Variants in MAN1C1 observed in about 807,000 individuals in gnomAD.
The protein encoded by MAN1C1 is mannosyl-oligosaccharide 1,2-alpha-mannosidase IC.
In MAN1C1, 49 loss-of-function variants were observed where a neutral mutation model predicts 71.5. The observed-to-expected ratio is 0.69, with a 90% CI of 0.54 to 0.87. The LOEUF is 0.87. MAN1C1 is among the 40% of genes least tolerant of loss of function. The probability of loss-of-function intolerance (pLI) is 0.00; values close to 1 mark genes in which losing one functional copy is unlikely to be tolerated. For missense variants in MAN1C1, 743 were observed against 835.0 expected (o/e 0.89, Z 1.36); for synonymous variants, 352 against 343.7 (o/e 1.02, Z -0.27).
At position 25,619,337 on chromosome 1, in the gene MAN1C1, A is replaced by G. The variant is rs142935083; in HGVS notation, c.540+1000A>G. ...CCCTCCCCATGGACTCAAAGGAAAG[A>G]AAGGGCTGCTTCTGCCTGGACTTCT... On this transcript the variant is annotated intron_variant, in intron 1 of 11. Transcript: ENST00000374332. Among the ~76,000 whole-genome samples, 270 of 152,326 alleles carry G rather than the reference A, an allele frequency of 1.8e-3. 1 individual carries two copies. Among genetic ancestry groups the G allele is most frequent in the African/African-American group, 5.5e-3 (227 of 41,576 alleles).
chr1:25,699,630 G>A (rs1198860413), intron 2 of MAN1C1, among the ~76,000 whole-genome samples: 4 of 152,172 alleles, frequency 2.6e-5, no homozygotes, highest in Admixed American at 6.5e-5. Context: ...ATCACAGAGC[G>A]TGGGCGTCTG....
At chr1:25,656,936 C>G (rs548910789) in intron 1 of MAN1C1, among the ~76,000 whole-genome samples, 1 of 152,202 alleles carries the variant, frequency 6.6e-6, no homozygotes, top group Non-Finnish European at 1.5e-5. Flanking sequence ...CACCGTTCTC[C>G]CGCCTCAGCC....
intron 2 of MAN1C1, among the ~76,000 whole-genome samples, chr1:25,728,736 G>T (rs191718011): frequency 6.6e-6 from 1 of 152,196 alleles, no homozygotes; most frequent in Non-Finnish European, 1.5e-5. Flanking sequence ...TGGGTCCTGC[G>T]GCTCCACCTA....
In MAN1C1 at chr1:25,725,446, TC is replaced by T. The variant is rs2046819769; in HGVS notation, c.638-21221del. The stretch of plus-strand genomic sequence containing the variant: ...GCCACTGATTCTGCCTCTGGGAACT[TC>T]ACAGAGCAGGTTACGTTGAGCTGGG... On this transcript the variant is annotated intron_variant, in intron 2 of 11. Coordinates refer to ENST00000374332, the MANE Select transcript of MAN1C1 (RefSeq NM_020379.4). The surrounding 1 kb of genome is among the most constrained non-coding windows in gnomAD (Gnocchi z 4.8). Among the ~76,000 whole-genome samples, 1 of 152,146 alleles carries T rather than the reference TC, an allele frequency of 6.6e-6. No homozygotes were observed. Among genetic ancestry groups the T allele is most frequent in the African/African-American group, 2.4e-5 (1 of 41,412 alleles).
At chr1:25,719,401 T>G in intron 2 of MAN1C1, among the ~76,000 whole-genome samples, 1 of 102,664 alleles carries the variant, frequency 9.7e-6, no homozygotes, top group Admixed American at 8.4e-5. Flanking sequence ...TATCTTTTAT[T>G]TATTTATTTA....
intron 1 of MAN1C1, among the ~76,000 whole-genome samples, chr1:25,657,039 A>G (rs955919342): frequency 8.6e-5 from 13 of 152,016 alleles, no homozygotes; most frequent in African/African-American, 3.1e-4. Flanking sequence ...GTTAGCCAGG[A>G]TGGTCTCGAT....
rs976234495 is a variant in MAN1C1, at chr1:25,746,870, G to A, written c.753+87G>A. 81 of 896,056 alleles carry A rather than the reference G, an allele frequency of 9.0e-5. No homozygotes were observed. Among genetic ancestry groups the A allele is most frequent in the Non-Finnish European group, 1.2e-4 (67 of 577,488 alleles). 55.5% of individuals were successfully genotyped at this position (896,056 alleles called of 1,614,324 possible). ...TTCACCCTGTCATCTCTGAGACCCA[G>A]AGATGTTGAGGGTCTCTCCCACGGC... On this transcript the variant is annotated intron_variant, in intron 3 of 11. Transcript: ENST00000374332. The surrounding 1 kb of genome is among the most constrained non-coding windows in gnomAD (Gnocchi z 4.0).
chr1:25,716,704 A>T (rs2046686323), intron 2 of MAN1C1, among the ~76,000 whole-genome samples: 1 of 152,112 alleles, frequency 6.6e-6, no homozygotes, highest in Admixed American at 6.5e-5. Context: ...CAATAGCTTT[A>T]CCCTTTCTAA....
rs1454356554 is a variant in MAN1C1 at position 25,711,061 on chromosome 1, C to T, written c.637+24525C>T. On this transcript the variant is annotated intron_variant, in intron 2 of 11. Transcript: ENST00000374332. This position sits in a 1 kb window ranked among gnomAD's most constrained non-coding sequence, Gnocchi z 4.3. ...CTTGAGTCTGTGGGTCTTAGCTAGG[C>T]CAGGATTGGTCTAGGATGGCTTTGG... 6.6e-6 allele frequency among the ~76,000 whole-genome samples: 1 copy of T among 152,118 alleles called. No homozygotes were observed. Among genetic ancestry groups the T allele is most frequent in the African/African-American group, 2.4e-5 (1 of 41,402 alleles).
chr1:25,747,653 G>T (rs1392471753), intron 3 of MAN1C1, among the ~76,000 whole-genome samples: 3 of 152,170 alleles, frequency 2.0e-5, no homozygotes, highest in Non-Finnish European at 2.9e-5. Context: ...CACAGAGCAG[G>T]GTGGAGAGAG....
intron 1 of MAN1C1, among the ~76,000 whole-genome samples, chr1:25,651,166 A>C (rs2045686437): frequency 6.6e-6 from 1 of 152,218 alleles, no homozygotes; most frequent in Non-Finnish European, 1.5e-5. Flanking sequence ...GGCTACTGCA[A>C]TTCTAGAGCA....
chr1:25,768,264 C>T (rs1312099804), intron 7 of MAN1C1, among the ~76,000 whole-genome samples: 1 of 4,396 alleles, frequency 2.3e-4, no homozygotes, highest in African/African-American at 1.0e-3. Context: ...TCCCCTCACA[C>T]ACATCACATA....
In MAN1C1 at chr1:25,631,972, TGTTG is replaced by T. The variant is rs2045387816; in HGVS notation, c.540+13637_540+13640del. On this transcript the variant is annotated intron_variant, in intron 1 of 11. Coordinates refer to ENST00000374332, the MANE Select transcript of MAN1C1 (RefSeq NM_020379.4). This position sits in a 1 kb window ranked among gnomAD's most constrained non-coding sequence, Gnocchi z 4.2. ...TTTTTTGTAGGATGGGGTTTCACCA[TGTTG>T]GCTAGGCTGGTCTTGAATCCTGAAC... is the stretch of plus-strand genomic sequence containing the variant. Among the ~76,000 whole-genome samples the T allele has an allele frequency of 6.6e-6, 1 of 152,296 alleles. No homozygotes were observed.
chr1:25,650,688 C>G (rs189669067), intron 1 of MAN1C1, among the ~76,000 whole-genome samples: 14 of 152,264 alleles, frequency 9.2e-5, no homozygotes, highest in Admixed American at 3.9e-4. Flanking sequence ...CTCATTCTTT[C>G]TTTCTGCTGT....
intron 1 of MAN1C1, chr1:25,646,461 A>G (rs1345699199): frequency 6.6e-6 from 1 of 151,162 alleles, no homozygotes; most frequent in African/African-American, 2.5e-5. Flanking sequence ...ACATAAAAAT[A>G]TATGTTAGCC....
chr1:25,685,522 G>A (rs1293556896), intron 1 of MAN1C1, among the ~76,000 whole-genome samples: 3 of 152,226 alleles, frequency 2.0e-5, no homozygotes, highest in Admixed American at 1.3e-4. Flanking sequence ...CGCAGGGTTG[G>A]GGGTGGACTG....
At chr1:25,777,906 C>G (rs1204199942) in intron 8 of MAN1C1, among the ~76,000 whole-genome samples, 199 bp from the exon 9 acceptor site, 1 of 152,198 alleles carries the variant, frequency 6.6e-6, no homozygotes, top group Non-Finnish European at 1.5e-5. Flanking sequence ...TCTGAGCCTC[C>G]CAGCGAATAG....
intron 1 of MAN1C1, among the ~76,000 whole-genome samples, chr1:25,657,838 G>T (rs2045789769): frequency 1.3e-5 from 2 of 152,230 alleles, no homozygotes. Flanking sequence ...AAACACCCAT[G>T]TAACTCTTAG....
rs1012960458 is a variant in MAN1C1 at position 25,776,841 on chromosome 1, C to T, written c.1258-1264C>T. Reference sequence around the variant, plus strand: ...TAGGGGTCAGTAATTAGTGGGGACTCGCTCTGTGCTGGGAAATAGGCCAAG... The same window carrying T: ...TAGGGGTCAGTAATTAGTGGGGACTTGCTCTGTGCTGGGAAATAGGCCAAG... On this transcript the variant is annotated intron_variant, in intron 8 of 11. Transcript: ENST00000374332. This position sits in a 1 kb window ranked among gnomAD's most constrained non-coding sequence, Gnocchi z 4.3. Among the ~76,000 whole-genome samples, 2 of 152,108 alleles carry T rather than the reference C, an allele frequency of 1.3e-5. No homozygotes were observed. Among genetic ancestry groups the T allele is most frequent in the African/African-American group, 2.4e-5 (1 of 41,394 alleles).
Sources: allele counts gnomAD v4.1 joint callset (sites outside exome capture counted in the v4.1 genomes callset), GRCh38; gene constraint gnomAD v4.1.1; non-coding constraint Gnocchi (gnomAD v3.1); transcripts MANE v1.5; gene names NCBI Gene and HGNC (gene_info 2026-07-23, HGNC 2026-07-21).